Variants in UNC5D observed in about 807,000 individuals in gnomAD.
UNC5D encodes netrin receptor UNC5D.
A neutral mutation model predicts 105.4 loss-of-function variants in UNC5D; 39 were observed. The ratio of observed to expected loss-of-function variants is 0.37; its 90% CI spans 0.29 to 0.48. The LOEUF is 0.48. Among genes scored for constraint, UNC5D ranks in the 20% least tolerant of loss-of-function variants. The pLI, the probability that UNC5D is intolerant of heterozygous loss-of-function variation, is 0.98. For missense variants in UNC5D, 991 were observed against 1,202.4 expected (o/e 0.82, Z 2.60); for synonymous variants, 452 against 450.4 (o/e 1.00, Z -0.04).
intron 8 of UNC5D, among the ~76,000 whole-genome samples, chr8:35,715,395 CT>C (rs1436455979): frequency 8.5e-5 from 13 of 152,204 alleles, no homozygotes; most frequent in African/African-American, 2.9e-4. Context: ...GACAAGCTTG[CT>C]TTTTGCATAG....
intron 7 of UNC5D, among the ~76,000 whole-genome samples, chr8:35,688,364 T>G (rs1586439104): frequency 6.6e-6 from 1 of 152,120 alleles, no homozygotes; most frequent in Non-Finnish European, 1.5e-5. Flanking sequence ...ATTCTTCTGC[T>G]TCAGTATGAC....
intron 1 of UNC5D, among the ~76,000 whole-genome samples, chr8:35,288,346 A>G (rs1806773451): frequency 1.3e-5 from 2 of 151,930 alleles, no homozygotes; most frequent in Admixed American, 1.3e-4. Flanking sequence ...AAAATACTAT[A>G]CCTGGTAAAG....
At chr8:35,645,706 G>A (rs570523556) in intron 4 of UNC5D, among the ~76,000 whole-genome samples, 35 of 151,930 alleles carry the variant, frequency 2.3e-4, no homozygotes, top group Non-Finnish European at 4.3e-4. Context: ...GTAGATATAG[G>A]CATTTTTCAG....
At chr8:35,378,408 T>G (rs1005640902) in intron 1 of UNC5D, among the ~76,000 whole-genome samples, 51 of 152,190 alleles carry the variant, frequency 3.4e-4, no homozygotes, top group African/African-American at 1.2e-3. Context: ...AGTGCAAGCC[T>G]TCCGTGACAT....
At chr8:35,773,135 T>C (rs558849190) in intron 15 of UNC5D, among the ~76,000 whole-genome samples, 1 of 152,354 alleles carries the variant, frequency 6.6e-6, no homozygotes, top group South Asian at 2.1e-4. Context: ...TTTTGTCTTA[T>C]AATCATGGAA....
chr8:35,455,994 G>T (rs1808464737), intron 1 of UNC5D, among the ~76,000 whole-genome samples: 1 of 152,110 alleles, frequency 6.6e-6, no homozygotes, highest in Admixed American at 6.5e-5. Context: ...GTGCAGGGTG[G>T]CAGTTTTGAA....
At chr8:35,502,333 C>T (rs1221670287) in intron 1 of UNC5D, among the ~76,000 whole-genome samples, 1 of 152,138 alleles carries the variant, frequency 6.6e-6, no homozygotes, top group Non-Finnish European at 1.5e-5. Context: ...AGAGTAGGTG[C>T]TATTCAGATC....
chr8:35,758,225 G>A (rs1032621976), intron 13 of UNC5D, among the ~76,000 whole-genome samples: 4 of 152,318 alleles, frequency 2.6e-5, no homozygotes, highest in African/African-American at 7.2e-5. Context: ...AGTCAAAAAT[G>A]TTTTTGTTAC....
At chr8:35,640,084 T>C (rs999077591) in intron 4 of UNC5D, among the ~76,000 whole-genome samples, 4 of 152,098 alleles carry the variant, frequency 2.6e-5, no homozygotes, top group African/African-American at 9.7e-5. Context: ...TGAAAAATAT[T>C]TAAGATGTGT....
At chr8:35,415,421 A>G (rs1043394692) in intron 1 of UNC5D, among the ~76,000 whole-genome samples, 1 of 152,178 alleles carries the variant, frequency 6.6e-6, no homozygotes, top group Non-Finnish European at 1.5e-5. Flanking sequence ...TGTATGTCAT[A>G]TATTATTTAA....
chr8:35,474,643 G>T (rs1280207845), intron 1 of UNC5D, among the ~76,000 whole-genome samples: 1 of 152,162 alleles, frequency 6.6e-6, no homozygotes, highest in Non-Finnish European at 1.5e-5. Context: ...GCCCCCTGTG[G>T]CGATTGGCAC....
At chr8:35,742,435 T>A (rs1829810194) in intron 11 of UNC5D, among the ~76,000 whole-genome samples, 1 of 152,180 alleles carries the variant, frequency 6.6e-6, no homozygotes, top group African/African-American at 2.4e-5. Flanking sequence ...AGCCTTGATG[T>A]CTTTTCCATT....
chr8:35,473,128 A>G (rs1469635519), intron 1 of UNC5D, among the ~76,000 whole-genome samples: 2 of 152,300 alleles, frequency 1.3e-5, no homozygotes, highest in East Asian at 1.9e-4. Context: ...TGAGCCAATG[A>G]CCTCAATTAC....
intron 1 of UNC5D, among the ~76,000 whole-genome samples, chr8:35,331,453 C>T (rs1200321765): frequency 6.6e-6 from 1 of 152,122 alleles, no homozygotes; most frequent in African/African-American, 2.4e-5. Context: ...CAAGAGCACC[C>T]TCTGAAAACC....
At chr8:35,303,710 G>A (rs1429600419) in intron 1 of UNC5D, among the ~76,000 whole-genome samples, 1 of 152,142 alleles carries the variant, frequency 6.6e-6, no homozygotes, top group Non-Finnish European at 1.5e-5. Flanking sequence ...TGTCCACTGT[G>A]AGGCAGCTTG....
intron 1 of UNC5D, among the ~76,000 whole-genome samples, chr8:35,498,441 T>G (rs1032786993): frequency 2.8e-4 from 42 of 152,094 alleles, no homozygotes; most frequent in African/African-American, 9.4e-4. Flanking sequence ...CATAGCTGAA[T>G]GTTGACTAGA....
At chr8:35,597,604 T>A (rs778902361) in intron 4 of UNC5D, among the ~76,000 whole-genome samples, 1 of 152,154 alleles carries the variant, frequency 6.6e-6, no homozygotes, top group Non-Finnish European at 1.5e-5. Flanking sequence ...CTGTGCCGGG[T>A]CACTACCATT....
At chr8:35,549,952 C>CT (rs5890821) in intron 2 of UNC5D, among the ~76,000 whole-genome samples, 29,080 of 125,332 alleles carry the variant, frequency 0.23, 4,431 homozygotes, top group African/African-American at 0.42. Context: ...TTTCTGAGTC[C>CT]TTTTTTTTTT....
intron 1 of UNC5D, among the ~76,000 whole-genome samples, chr8:35,323,394 T>G (rs1325892546): frequency 1.3e-5 from 2 of 152,092 alleles, no homozygotes; most frequent in African/African-American, 4.8e-5. Flanking sequence ...TCTGAGTCAC[T>G]TGGCTTCTAA....
Sources: gnomAD v4.1 joint callset for allele counts (sites outside exome capture counted in the v4.1 genomes callset) on GRCh38, gnomAD v4.1.1 for gene constraint, MANE v1.5 for transcripts, NCBI Gene and HGNC (gene_info 2026-07-23, HGNC 2026-07-21) for gene names.